AGPAT4: variants seen among roughly 807,000 people sequenced by gnomAD.
AGPAT4 encodes the protein 1-acyl-sn-glycerol-3-phosphate acyltransferase delta.
AGPAT4 carries 15 observed loss-of-function variants against 48.0 expected under a neutral mutation model. The ratio of observed to expected loss-of-function variants is 0.31; its 90% CI spans 0.21 to 0.48. The LOEUF is 0.48. Among genes scored for constraint, AGPAT4 ranks in the 20% least tolerant of loss-of-function variants. The pLI, the probability that AGPAT4 is intolerant of heterozygous loss-of-function variation, is 0.99. For missense variants in AGPAT4, 314 were observed against 482.5 expected, an observed-to-expected ratio of 0.65 and a Z score of 3.27; for synonymous variants, 178 against 198.7, an observed-to-expected ratio of 0.90 and a Z score of 0.88.
chr6:161,194,542 GTATGTGTA>G (rs1562332797), intron 2 of AGPAT4, among the ~76,000 whole-genome samples: 1 of 151,552 alleles, frequency 6.6e-6, no homozygotes, highest in Non-Finnish European at 1.5e-5. Context: ...GTCTATGTGT[GTATGTGTA>G]TGTGTGCATG....
rs1368109261 is a variant in AGPAT4 at position 161,218,950 on chromosome 6, G to A, written c.178+13086C>T. Among the ~76,000 whole-genome samples the A allele has an allele frequency of 6.6e-6, 1 of 152,056 alleles. No homozygotes were observed. Among genetic ancestry groups the A allele is most frequent in the African/African-American group, 2.4e-5 (1 of 41,404 alleles). Reference sequence around the variant, plus strand: ...GATTTTTCCTTCAAAACAGACTGTGGAATTGGAGAATACTTTTAATCTAAT... The same window carrying A: ...GATTTTTCCTTCAAAACAGACTGTGAAATTGGAGAATACTTTTAATCTAAT... On this transcript the variant is annotated intron_variant, in intron 2 of 8. Coordinates refer to ENST00000320285, the MANE Select transcript of AGPAT4 (RefSeq NM_020133.3). This position sits in a 1 kb window ranked among gnomAD's most constrained non-coding sequence, Gnocchi z 4.7.
intron 4 of AGPAT4, among the ~76,000 whole-genome samples, chr6:161,153,834 T>TAGCCCTGGGGTCACACAC (rs1416198723): frequency 0.051 from 4,677 of 91,908 alleles, 154 homozygotes; most frequent in Non-Finnish European, 0.064. Context: ...GGGTCACACA[T>TAGCCCTGGGGTCACACAC]AGCCCCAGGG....
At position 161,144,634 on chromosome 6, in the gene AGPAT4, A is replaced by G. The variant is rs1488729149; in HGVS notation, c.843+1890T>C. ...GATTTGTTTGTGTGGCTCTTTACAA[A>G]AGAGGCTCATTTTCTAAACCTTTTC... On this transcript the variant is annotated intron_variant, in intron 7 of 8. Transcript: ENST00000320285. This position sits in a 1 kb window ranked among gnomAD's most constrained non-coding sequence, Gnocchi z 6.6. 6.6e-6 allele frequency among the ~76,000 whole-genome samples: 1 copy of G among 152,144 alleles called. No individual in the cohort carries two copies. Among genetic ancestry groups the G allele is most frequent in the Non-Finnish European group, 1.5e-5 (1 of 68,028 alleles).
chr6:161,250,351 A>G (rs1471692365), intron 1 of AGPAT4, among the ~76,000 whole-genome samples: 1 of 152,236 alleles, frequency 6.6e-6, no homozygotes, highest in Non-Finnish European at 1.5e-5. Context: ...ATAAAAGTTA[A>G]AAATAAATAT....
rs554566021 is a variant in AGPAT4 at position 161,149,037 on chromosome 6, A to G, written c.767+150T>C. On this transcript the variant is annotated intron_variant, in intron 6 of 8. Transcript: ENST00000320285. The surrounding 1 kb of genome is among the most constrained non-coding windows in gnomAD (Gnocchi z 6.5). Reference sequence around the variant, plus strand: ...AAGGAGACTTCAGCAGATCATTCCAATAGTAGGATGTGTCAAATTCAATGC... The same window carrying G: ...AAGGAGACTTCAGCAGATCATTCCAGTAGTAGGATGTGTCAAATTCAATGC... The G allele has an allele frequency of 4.4e-5, 48 of 1,093,494 alleles. No homozygotes were observed. Among genetic ancestry groups the G allele is most frequent in the Non-Finnish European group, 5.4e-5 (43 of 795,294 alleles). 67.7% of individuals were successfully genotyped at this position (1,093,494 alleles called of 1,614,324 possible).
Position 161,149,330 on chromosome 6 carries a change from T to G in AGPAT4, c.665-41A>C. 7 of 1,555,292 alleles carry G rather than the reference T, an allele frequency of 4.5e-6. No individual in the cohort carries two copies. Among genetic ancestry groups the G allele is most frequent in the Non-Finnish European group, 6.1e-6 (7 of 1,156,270 alleles). Reference sequence around the variant, plus strand: ...CAAATACAAAGCAGTATATAGCGTGTGAACCCAATTTTGTTCTGTAGATAC... The same window carrying G: ...CAAATACAAAGCAGTATATAGCGTGGGAACCCAATTTTGTTCTGTAGATAC... On this transcript the variant is annotated intron_variant, in intron 5 of 8. Transcript: ENST00000320285. The surrounding 1 kb of genome is among the most constrained non-coding windows in gnomAD (Gnocchi z 6.5).
chr6:161,144,259 C>T lies in AGPAT4; in HGVS notation c.843+2265G>A, dbSNP rs781586216. 1.4e-5 allele frequency: 7 copies of T among 500,956 alleles called. No individual in the cohort carries two copies. The highest frequency in any genetic ancestry group is 1.4e-4 in the African/African-American group (7 of 51,060). The allele number at this position is 500,956 out of a possible 1,614,324, so 31.0% of individuals were successfully genotyped here. Reference sequence around the variant, plus strand: ...ATACTGCTTAGAGAACTCGGTGTCGCCCCAGCCCTGCACGGAGAGAGAAAG... The same window carrying T: ...ATACTGCTTAGAGAACTCGGTGTCGTCCCAGCCCTGCACGGAGAGAGAAAG... On this transcript the variant is annotated intron_variant, in intron 7 of 8. Coordinates refer to ENST00000320285, the MANE Select transcript of AGPAT4 (RefSeq NM_020133.3). This position sits in a 1 kb window ranked among gnomAD's most constrained non-coding sequence, Gnocchi z 6.6.
intron 1 of AGPAT4, among the ~76,000 whole-genome samples, chr6:161,268,676 ATC>A (rs1783335773): frequency 6.6e-6 from 1 of 152,246 alleles, no homozygotes; most frequent in East Asian, 1.9e-4. Flanking sequence ...TGCTGATATC[ATC>A]TGAGTTTAAA....
Position 161,165,666 on chromosome 6 carries a change from G to T in AGPAT4, c.348+582C>A. 1 of 1,304,062 alleles carries T rather than the reference G, an allele frequency of 7.7e-7. No homozygotes were observed. Among genetic ancestry groups the T allele is most frequent in the Non-Finnish European group, 1.0e-6 (1 of 988,726 alleles). The allele number at this position is 1,304,062 out of a possible 1,614,324, so 80.8% of individuals were successfully genotyped here. A position where few individuals can be genotyped will look rare whatever the true frequency, so the allele number is the denominator to read the frequency against. ...GTGTTGAAGACGACAAAAGTCAACTGAAGAGACCCAGTTCCAAAGGCATGC... is the reference window on the plus strand; with the variant it reads ...GTGTTGAAGACGACAAAAGTCAACTTAAGAGACCCAGTTCCAAAGGCATGC... On this transcript the variant is annotated intron_variant, in intron 3 of 8. Transcript: ENST00000320285. This position sits in a 1 kb window ranked among gnomAD's most constrained non-coding sequence, Gnocchi z 5.5.
Position 161,171,910 on chromosome 6 carries a change from A to G in AGPAT4, c.179-5493T>C, listed in dbSNP as rs953766069. Among the ~76,000 whole-genome samples the G allele has an allele frequency of 6.6e-6, 1 of 152,044 alleles. No individual in the cohort carries two copies. Among genetic ancestry groups the G allele is most frequent in the African/African-American group, 2.4e-5 (1 of 41,392 alleles). Reference sequence around the variant, plus strand: ...GCAAGACTCCATCTCAAAAACAAAAAACAAAAAACAAAAAACCAAAAGTTT... The same window carrying G: ...GCAAGACTCCATCTCAAAAACAAAAGACAAAAAACAAAAAACCAAAAGTTT... On this transcript the variant is annotated intron_variant, in intron 2 of 8. Transcript: ENST00000320285. This position sits in a 1 kb window ranked among gnomAD's most constrained non-coding sequence, Gnocchi z 4.4.
rs778313987 is a variant in AGPAT4 at position 161,180,452 on chromosome 6, T to C, written c.179-14035A>G. Among the ~76,000 whole-genome samples, 23 of 152,232 alleles carry C rather than the reference T, an allele frequency of 1.5e-4. No individual in the cohort carries two copies. Among genetic ancestry groups the C allele is most frequent in the African/African-American group, 5.5e-4 (23 of 41,466 alleles). ...TCAGAACCTCCCACAGCTGCAGATATGGGCACCATGTTACGTGGGGAAATG... is the reference window on the plus strand; with the variant it reads ...TCAGAACCTCCCACAGCTGCAGATACGGGCACCATGTTACGTGGGGAAATG... On this transcript the variant is annotated intron_variant, in intron 2 of 8. Transcript: ENST00000320285. This position sits in a 1 kb window ranked among gnomAD's most constrained non-coding sequence, Gnocchi z 6.4.
chr6:161,176,859 T>G (rs1359092187), intron 2 of AGPAT4, among the ~76,000 whole-genome samples: 3 of 152,180 alleles, frequency 2.0e-5, no homozygotes, highest in Admixed American at 1.3e-4. Flanking sequence ...TCTCTCAGCA[T>G]TTGCTTGTCT....
intron 1 of AGPAT4, among the ~76,000 whole-genome samples, chr6:161,263,632 T>C (rs1783168260): frequency 6.6e-6 from 1 of 152,212 alleles, no homozygotes; most frequent in African/African-American, 2.4e-5. Context: ...TTAAAATATC[T>C]CTCTGGTCCT....
In AGPAT4 at chr6:161,216,405, A is replaced by G. The variant is rs1217722678; in HGVS notation, c.178+15631T>C. Among the ~76,000 whole-genome samples, 4 of 152,100 alleles carry G rather than the reference A, an allele frequency of 2.6e-5. No individual in the cohort carries two copies. Among genetic ancestry groups the G allele is most frequent in the Non-Finnish European group, 4.4e-5 (3 of 68,012 alleles). ...ACAACCTCTGCAACTGCCTTCTACA[A>G]TCTTCAGGCTCACTCTCCTCAGGAC... On this transcript the variant is annotated intron_variant, in intron 2 of 8. Coordinates refer to ENST00000320285, the MANE Select transcript of AGPAT4 (RefSeq NM_020133.3). This position sits in a 1 kb window ranked among gnomAD's most constrained non-coding sequence, Gnocchi z 4.8.
In AGPAT4 at chr6:161,203,650, A is replaced by C. The variant is rs575331501; in HGVS notation, c.178+28386T>G. On this transcript the variant is annotated intron_variant, in intron 2 of 8. Coordinates refer to ENST00000320285, the MANE Select transcript of AGPAT4 (RefSeq NM_020133.3). ...TGACCTCAAGTAATCCGCCCACCTC[A>C]ACCTCCCAAAGTGCTGGGATTACAG... 2.1e-4 allele frequency among the ~76,000 whole-genome samples: 32 copies of C among 151,864 alleles called. No homozygotes were observed. The East Asian group carries it at 6.0e-3, about 29-fold the overall frequency.
chr6:161,252,355 T>C (rs1175364824), intron 1 of AGPAT4, among the ~76,000 whole-genome samples: 1 of 152,240 alleles, frequency 6.6e-6, no homozygotes, highest in East Asian at 1.9e-4. Context: ...ATAAACTAGA[T>C]GAATTCTGTG....
Position 161,206,803 on chromosome 6 carries a change from TA to T in AGPAT4, c.178+25232del, listed in dbSNP as rs773488235. Among the ~76,000 whole-genome samples the T allele has an allele frequency of 1.1e-4, 17 of 148,702 alleles. No homozygotes were observed. Among genetic ancestry groups the T allele is most frequent in the Non-Finnish European group, 1.8e-4 (12 of 67,000 alleles). ...CAATTATAAACAAACTTGAAACAAATAAAAAAAAAGTCTTCACAAACAAAAA... is the reference window on the plus strand; with the variant it reads ...CAATTATAAACAAACTTGAAACAAATAAAAAAAAGTCTTCACAAACAAAAA... On this transcript the variant is annotated intron_variant, in intron 2 of 8. Transcript: ENST00000320285. The surrounding 1 kb of genome is among the most constrained non-coding windows in gnomAD (Gnocchi z 4.8).
chr6:161,271,029 T>TA (rs770684568), intron 1 of AGPAT4, among the ~76,000 whole-genome samples: 2 of 152,224 alleles, frequency 1.3e-5, no homozygotes, highest in Admixed American at 1.3e-4. Flanking sequence ...AAGCTGAAGC[T>TA]AAAAAAGTAT....
chr6:161,189,292 A>T lies in AGPAT4; in HGVS notation c.179-22875T>A, dbSNP rs1780856748. Among the ~76,000 whole-genome samples, 1 of 152,134 alleles carries T rather than the reference A, an allele frequency of 6.6e-6. No individual in the cohort carries two copies. The highest frequency in any genetic ancestry group is 2.4e-5 in the African/African-American group (1 of 41,430). On this transcript the variant is annotated intron_variant, in intron 2 of 8. Transcript: ENST00000320285. This position sits in a 1 kb window ranked among gnomAD's most constrained non-coding sequence, Gnocchi z 5.3. Reference sequence around the variant, plus strand: ...CCTCCCCATCTGGCTCTTGTGGTGAAGTCTAATGAGTGTGCCAAGACCAGC... The same window carrying T: ...CCTCCCCATCTGGCTCTTGTGGTGATGTCTAATGAGTGTGCCAAGACCAGC...
Sources: gnomAD v4.1 joint callset for allele counts (sites outside exome capture counted in the v4.1 genomes callset) on GRCh38, gnomAD v4.1.1 for gene constraint, Gnocchi (gnomAD v3.1) non-coding constraint, MANE v1.5 for transcripts, NCBI Gene and HGNC (gene_info 2026-07-23, HGNC 2026-07-21) for gene names.